NWD1: variants seen among roughly 807,000 people sequenced by gnomAD.
NWD1 encodes NACHT and WD repeat domain containing 1.
NWD1 carries 129 observed loss-of-function variants against 135.1 expected under a neutral mutation model. The observed-to-expected ratio is 0.96, with a 90% CI of 0.83 to 1.11. The LOEUF is 1.11. Ranked by LOEUF, NWD1 falls within the 50% of genes least tolerant of loss-of-function variation. The pLI is 0.00. For missense variants in NWD1, 1,740 were observed against 1,851.3 expected, an observed-to-expected ratio of 0.94 and a Z score of 1.10; for synonymous variants, 773 against 786.0, an observed-to-expected ratio of 0.98 and a Z score of 0.28.
chr19:16,744,720 TGAGGCCGCAGG>T lies in NWD1; in HGVS notation c.496+5_496+15del. The T allele has an allele frequency of 6.5e-7, 1 of 1,535,492 alleles. No homozygotes were observed. The highest frequency in any genetic ancestry group is 1.2e-5 in the South Asian group (1 of 84,058). ...AGTGGCAGCACTACCACCGGTCAGG[TGAGGCCGCAGG>T]GACTCCCCTCTGGAGACCCACAAGA... is the stretch of plus-strand genomic sequence containing the variant. On this transcript the variant is annotated splice_donor_5th_base_variant and intron_variant, in intron 5 of 18. Transcript: ENST00000524140.
At chr19:16,799,164 T>C (rs2123095514) in intron 16 of NWD1, among the ~76,000 whole-genome samples, 1 of 152,094 alleles carries the variant, frequency 6.6e-6, no homozygotes, top group East Asian at 1.9e-4. Flanking sequence ...GGTTTATGAA[T>C]GGGCTGAAGT....
At chr19:16,814,174 C>T (rs2144541168) in intron 18 of NWD1, among the ~76,000 whole-genome samples, 1 of 152,106 alleles carries the variant, frequency 6.6e-6, no homozygotes, top group Non-Finnish European at 1.5e-5. Flanking sequence ...AATGAGTTAA[C>T]ATTTTTTGTA....
At chr19:16,805,269 G>A (rs1599560095) in intron 17 of NWD1, among the ~76,000 whole-genome samples, 1 of 151,878 alleles carries the variant, frequency 6.6e-6, no homozygotes, top group Non-Finnish European at 1.5e-5. Context: ...GTGTTGGCCA[G>A]GCTAGTCTCG....
In NWD1 at chr19:16,749,562, A is replaced by T. The variant is rs2122803219; in HGVS notation, c.920A>T (p.Glu307Val). 1 of 1,613,442 alleles carries T rather than the reference A, an allele frequency of 6.2e-7. No homozygotes were observed. The highest frequency in any genetic ancestry group is 2.2e-5 in the East Asian group (1 of 44,854). Reference protein sequence around the residue: ...EIRHHLWQSSEVIQTFCGRQE... With the variant: ...EIRHHLWQSSVVIQTFCGRQE... ...CGCCACCACCTTTGGCAGAGCTCGGAGGTCATTCAGACCTTCTGCGGACGC... is the reference window on the plus strand; with the variant it reads ...CGCCACCACCTTTGGCAGAGCTCGGTGGTCATTCAGACCTTCTGCGGACGC... Residue 307 changes from glutamate (E) to valine (V), a missense_variant, in exon 6 of 19, where the codon GAG (glutamate) becomes GTG (valine). Transcript: ENST00000524140.
At chr19:16,808,836 C>T (rs1488381548) in intron 18 of NWD1, among the ~76,000 whole-genome samples, 2 of 151,950 alleles carry the variant, frequency 1.3e-5, no homozygotes, top group Non-Finnish European at 2.9e-5. Flanking sequence ...GCTCACCCGG[C>T]ACTTTGGGAG....
At chr19:16,770,287 G>T (rs1018641100) in intron 10 of NWD1, among the ~76,000 whole-genome samples, 3 of 152,146 alleles carry the variant, frequency 2.0e-5, no homozygotes, top group African/African-American at 7.2e-5. Context: ...GCTCTCAAGA[G>T]ATCTGATGGG....
At chr19:16,797,034 G>A (rs1970437886) in intron 15 of NWD1, among the ~76,000 whole-genome samples, 1 of 151,812 alleles carries the variant, frequency 6.6e-6, no homozygotes, top group African/African-American at 2.4e-5. Context: ...ACAAAATTTA[G>A]CCAGGCATGG....
chr19:16,784,563 G>T (rs1286202286), intron 12 of NWD1, among the ~76,000 whole-genome samples: 1 of 152,060 alleles, frequency 6.6e-6, no homozygotes, highest in African/African-American at 2.4e-5. Context: ...GCCCTGAGAG[G>T]GGAATGAGGT....
intron 7 of NWD1, among the ~76,000 whole-genome samples, chr19:16,760,297 G>A (rs997906867): frequency 3.7e-5 from 5 of 135,608 alleles, no homozygotes; most frequent in East Asian, 2.1e-4. Context: ...ACAGGGTCTC[G>A]CCCAGGCTGC....
At chr19:16,751,685 C>T (rs1968585107) in intron 6 of NWD1, among the ~76,000 whole-genome samples, 1 of 151,816 alleles carries the variant, frequency 6.6e-6, no homozygotes, top group Admixed American at 6.6e-5. Flanking sequence ...CCTGTAATCC[C>T]AGCTGCTTGG....
chr19:16,736,874 C>T, intron 4 of NWD1, 124 bp downstream of exon 4: 1 of 667,028 alleles, frequency 1.5e-6, no homozygotes, highest in East Asian at 2.7e-5. Flanking sequence ...ATCCCTATGG[C>T]CTGCCTGTGG....
chr19:16,747,767 C>T (rs1968386345), intron 5 of NWD1, among the ~76,000 whole-genome samples: 1 of 152,138 alleles, frequency 6.6e-6, no homozygotes, highest in South Asian at 2.1e-4. Flanking sequence ...TGCTTTCTGT[C>T]TCTATTAATT....
At chr19:16,739,396 G>T (rs1967991182) in intron 4 of NWD1, among the ~76,000 whole-genome samples, 1 of 140,210 alleles carries the variant, frequency 7.1e-6, no homozygotes, top group African/African-American at 2.6e-5. Flanking sequence ...GGGAGACAAA[G>T]AACTCCAGGA....
At chr19:16,737,880 G>T (rs2122733306) in intron 4 of NWD1, among the ~76,000 whole-genome samples, 1 of 151,508 alleles carries the variant, frequency 6.6e-6, no homozygotes. Context: ...CAGGAGAATT[G>T]CTTGAACCTG....
chr19:16,802,248 G>C (rs1453085034), intron 17 of NWD1, among the ~76,000 whole-genome samples: 1 of 150,668 alleles, frequency 6.6e-6, no homozygotes, highest in Non-Finnish European at 1.5e-5. Context: ...ACTCCAGCCT[G>C]GGTGACAGAG....
intron 11 of NWD1, among the ~76,000 whole-genome samples, chr19:16,778,293 A>G (rs1294178908): frequency 6.6e-6 from 1 of 152,048 alleles, no homozygotes; most frequent in African/African-American, 2.4e-5. Flanking sequence ...CTCTGCAGTG[A>G]TATTTTAATC....
At chr19:16,797,369 T>A (rs1225329950) in intron 15 of NWD1, among the ~76,000 whole-genome samples, 1 of 149,530 alleles carries the variant, frequency 6.7e-6, no homozygotes, top group African/African-American at 2.5e-5. Flanking sequence ...CTGGCTCTGT[T>A]GCCCAGGCTG....
Position 16,765,037 on chromosome 19 carries a change from G to A in NWD1, c.2255G>A (p.Ser752Asn). ...CCTCCCCCCTTCTCTCCCTCAGGCA[G>A]CATGAGCTGGATTTCCTGCCGGGGC... Reference protein sequence around the residue: ...LEELKQEVLGSMSWISCRGIS... With the variant: ...LEELKQEVLGNMSWISCRGIS... Residue 752 changes from serine (S) to asparagine (N), a missense_variant, in exon 10 of 19, where the codon AGC becomes AAC. Transcript: ENST00000524140. The A allele has an allele frequency of 6.2e-7, 1 of 1,614,092 alleles. No individual in the cohort carries two copies. The highest frequency in any genetic ancestry group is 8.5e-7 in the Non-Finnish European group (1 of 1,179,982).
In NWD1 at chr19:16,816,186, T is replaced by C. The variant is rs543682662; in HGVS notation, c.*1147T>C. On this transcript the variant is annotated 3_prime_UTR_variant, in exon 19 of 19. Coordinates refer to ENST00000524140, the MANE Select transcript of NWD1 (RefSeq NM_001007525.5). ...GGACATGTGGAAGGCAGAGATTGTG[T>C]CTAGGGTGGGTATGAGCAGCCTGAC... 1 of 152,248 alleles carries C rather than the reference T, an allele frequency of 6.6e-6. No individual in the cohort carries two copies. Among genetic ancestry groups the C allele is most frequent in the East Asian group, 1.9e-4 (1 of 5,180 alleles). 9.4% of individuals were successfully genotyped at this position (152,248 alleles called of 1,614,324 possible).
Sources: allele counts gnomAD v4.1 joint callset (sites outside exome capture counted in the v4.1 genomes callset), GRCh38; gene constraint gnomAD v4.1.1; transcripts MANE v1.5; gene names NCBI Gene and HGNC (gene_info 2026-07-23, HGNC 2026-07-21).